The following SIPA1L3 variants were observed in gnomAD, a reference collection of about 807,000 sequenced individuals.
The protein encoded by SIPA1L3 is signal-induced proliferation-associated 1-like protein 3.
A neutral mutation model predicts 150.1 loss-of-function variants in SIPA1L3; 59 were observed. The ratio of observed to expected loss-of-function variants is 0.39; its 90% CI spans 0.32 to 0.49. The LOEUF (loss-of-function observed/expected upper bound fraction) is 0.49. Ranked by LOEUF, SIPA1L3 falls within the 20% of genes least tolerant of loss-of-function variation. The pLI is 0.86. For missense variants in SIPA1L3, 2,211 were observed against 2,489.5 expected, an observed-to-expected ratio of 0.89 and a Z score of 2.38; for synonymous variants, 1,070 against 1,077.6, an observed-to-expected ratio of 0.99 and a Z score of 0.14.
chr19:38,075,915 A>G (rs988446231), intron 2 of SIPA1L3, among the ~76,000 whole-genome samples: 2 of 152,120 alleles, frequency 1.3e-5, no homozygotes, highest in African/African-American at 2.4e-5. Context: ...AAGCCGAGGT[A>G]GGCGGATCAC....
chr19:38,144,737 G>T (rs1175011834), intron 12 of SIPA1L3, among the ~76,000 whole-genome samples: 1 of 152,204 alleles, frequency 6.6e-6, no homozygotes, highest in South Asian at 2.1e-4. Flanking sequence ...TTACGAGGGG[G>T]TTCTGTAGTC....
At chr19:38,073,323 C>T (rs990611817) in intron 2 of SIPA1L3, among the ~76,000 whole-genome samples, 1 of 152,156 alleles carries the variant, frequency 6.6e-6, no homozygotes, top group African/African-American at 2.4e-5. Context: ...TGCTTCACAT[C>T]GCTCTCCAGC....
rs527452555 is a variant in SIPA1L3 at position 38,174,493 on chromosome 19, C to T, written c.4209-8026C>T. ...ACAGCTCCACCTCTTACCCCAACTGCGTGATCTCTCTCAGGCCCCTTAGGT... is the reference window on the plus strand; with the variant it reads ...ACAGCTCCACCTCTTACCCCAACTGTGTGATCTCTCTCAGGCCCCTTAGGT... On this transcript the variant is annotated intron_variant, in intron 15 of 21. Coordinates refer to ENST00000222345, the MANE Select transcript of SIPA1L3 (RefSeq NM_015073.3). Among the ~76,000 whole-genome samples the T allele has an allele frequency of 5.3e-5, 8 of 152,262 alleles. 1 individual carries two copies. The highest frequency in any genetic ancestry group is 1.7e-4 in the African/African-American group (7 of 41,554).
intron 1 of SIPA1L3, among the ~76,000 whole-genome samples, chr19:37,973,561 G>GGC (rs1555772354): frequency 6.9e-6 from 1 of 144,270 alleles, no homozygotes; most frequent in Non-Finnish European, 1.5e-5. Context: ...AAAAGCGGGA[G>GGC]GGGGGCGCAT....
intron 4 of SIPA1L3, among the ~76,000 whole-genome samples, chr19:38,090,056 G>A (rs912724074): frequency 1.3e-5 from 2 of 152,046 alleles, no homozygotes; most frequent in African/African-American, 4.8e-5. Context: ...CTGGCCAGGC[G>A]CAGTGGCTCA....
At chr19:38,168,115 G>C (rs901503282) in intron 15 of SIPA1L3, among the ~76,000 whole-genome samples, 1 of 152,156 alleles carries the variant, frequency 6.6e-6, no homozygotes, top group Non-Finnish European at 1.5e-5. Context: ...GGCCGGGCAC[G>C]GTGGCTCACG....
rs539817866 is a variant in SIPA1L3, at chr19:38,036,073, C to G, written c.-311+6917C>G. 3.9e-5 allele frequency among the ~76,000 whole-genome samples: 6 copies of G among 152,314 alleles called. No homozygotes were observed. The East Asian group carries it at 9.7e-4, about 25-fold the overall frequency. On this transcript the variant is annotated intron_variant, in intron 2 of 21. Transcript: ENST00000222345. Reference sequence around the variant, plus strand: ...GTTGGAGACCCATGGCTCCTGGCCTCCTGGTCCCCTTTCTTGTTCATTCCT... The same window carrying G: ...GTTGGAGACCCATGGCTCCTGGCCTGCTGGTCCCCTTTCTTGTTCATTCCT...
intron 15 of SIPA1L3, among the ~76,000 whole-genome samples, chr19:38,177,360 C>CAAAA (rs371696539): frequency 8.2e-6 from 1 of 121,474 alleles, no homozygotes; most frequent in African/African-American, 3.2e-5. Context: ...GACTCCATCT[C>CAAAA]AAAAAAAAAA....
intron 3 of SIPA1L3, 96 bp from the exon 4 acceptor site, chr19:38,088,625 G>C: frequency 6.9e-7 from 1 of 1,459,612 alleles, no homozygotes; most frequent in Non-Finnish European, 9.3e-7. Flanking sequence ...GATTGCACAG[G>C]ACCCTGCCTG....
intron 1 of SIPA1L3, among the ~76,000 whole-genome samples, chr19:38,024,670 G>T (rs1968460369): frequency 6.6e-6 from 1 of 152,164 alleles, no homozygotes; most frequent in Non-Finnish European, 1.5e-5. Flanking sequence ...ACGGACAGGG[G>T]CTTCAGAATT....
intron 4 of SIPA1L3, among the ~76,000 whole-genome samples, chr19:38,089,461 A>C (rs1447134531): frequency 6.6e-6 from 1 of 152,168 alleles, no homozygotes; most frequent in Non-Finnish European, 1.5e-5. Context: ...TTTGCAAGAG[A>C]TTAGCTCTAA....
chr19:38,154,502 C>G (rs1457518532), intron 13 of SIPA1L3, among the ~76,000 whole-genome samples: 1 of 152,138 alleles, frequency 6.6e-6, no homozygotes, highest in Non-Finnish European at 1.5e-5. Flanking sequence ...GGCTGGAGTG[C>G]AATGGCACAA....
intron 2 of SIPA1L3, among the ~76,000 whole-genome samples, chr19:38,079,979 C>G (rs991771157): frequency 1.3e-5 from 2 of 152,174 alleles, no homozygotes; most frequent in African/African-American, 2.4e-5. Context: ...CCAGTATGAT[C>G]AGAGCTTAGT....
chr19:38,071,263 A>G (rs867400584), intron 2 of SIPA1L3, among the ~76,000 whole-genome samples: 9 of 139,000 alleles, frequency 6.5e-5, no homozygotes, highest in African/African-American at 1.6e-4. Flanking sequence ...CTATCTATCT[A>G]TCTGCCTGCC....
intron 2 of SIPA1L3, among the ~76,000 whole-genome samples, chr19:38,072,994 G>T (rs775827767): frequency 6.6e-6 from 1 of 152,188 alleles, no homozygotes; most frequent in African/African-American, 2.4e-5. Flanking sequence ...ACCCTGATGC[G>T]TCCCCACTGG....
intron 2 of SIPA1L3, among the ~76,000 whole-genome samples, chr19:38,060,345 T>A (rs575000801): frequency 1.3e-5 from 2 of 152,370 alleles, no homozygotes; most frequent in Admixed American, 6.5e-5. Context: ...ACAAGCTTTA[T>A]GAGTTCTAAT....
intron 9 of SIPA1L3, among the ~76,000 whole-genome samples, chr19:38,122,706 G>A (rs1184501563): frequency 1.3e-5 from 2 of 152,112 alleles, no homozygotes; most frequent in Admixed American, 6.5e-5. Context: ...TCACTGTTGC[G>A]CTCTCTGCCC....
chr19:38,201,488 T>C (rs1973086128), intron 19 of SIPA1L3, among the ~76,000 whole-genome samples: 1 of 152,238 alleles, frequency 6.6e-6, no homozygotes, highest in Non-Finnish European at 1.5e-5. Context: ...CCGTCCACTT[T>C]GTAACCCTTT....
At chr19:37,913,498 C>G (rs988691578) in intron 1 of SIPA1L3, among the ~76,000 whole-genome samples, 1 of 152,130 alleles carries the variant, frequency 6.6e-6, no homozygotes, top group Non-Finnish European at 1.5e-5. Flanking sequence ...CAAGTTCAAG[C>G]CCATCTCCTG....
Sources: gnomAD v4.1 joint callset for allele counts (sites outside exome capture counted in the v4.1 genomes callset) on GRCh38, gnomAD v4.1.1 for gene constraint, MANE v1.5 for transcripts, NCBI Gene and HGNC (gene_info 2026-07-23, HGNC 2026-07-21) for gene names.